The following TREML1 variants were observed in gnomAD, a reference collection of about 807,000 sequenced individuals.
TREML1 encodes trem-like transcript 1 protein.
In TREML1, 27 loss-of-function variants were observed where a neutral mutation model predicts 22.8. The ratio of observed to expected loss-of-function variants is 1.19; its 90% CI spans 0.87 to 1.64. TREML1 has a LOEUF of 1.64. TREML1 is among the 40% of genes most tolerant of loss of function. The pLI is 0.00. For synonymous variants in TREML1, 153 were observed against 161.9 expected, an observed-to-expected ratio of 0.94 and a Z score of 0.42; for missense variants, 356 against 382.0, an observed-to-expected ratio of 0.93 and a Z score of 0.57.
chr6:41,150,928 G>A (rs748563264), intron 3 of TREML1, 21 bp from the exon 4 acceptor site: 2 of 1,610,640 alleles, frequency 1.2e-6, no homozygotes, highest in Non-Finnish European at 1.7e-6. Flanking sequence ...GAAAGGGATA[G>A]GCAGGCTTAG....
At chr6:41,154,687 T>C (rs1485614415), upstream of TREML1, among the ~76,000 whole-genome samples, 1 of 152,212 alleles carries the variant, frequency 6.6e-6, no homozygotes, top group Non-Finnish European at 1.5e-5. Context: ...CCTCACTCAA[T>C]GCCATTCTTG....
At chr6:41,154,543 C>T (rs1176885021), upstream of TREML1, among the ~76,000 whole-genome samples, 2 of 152,088 alleles carry the variant, frequency 1.3e-5, no homozygotes, top group East Asian at 1.9e-4. Flanking sequence ...GGCTGGGGCC[C>T]GGCTAAGGGG....
In TREML1 at chr6:41,151,352, G is replaced by A. The variant is rs1166461542; in HGVS notation, c.409C>T (p.Leu137=). The change falls in exon 3 of 6, where the codon CTG becomes TTG. Residue 137 remains leucine, a synonymous_variant. Coordinates refer to ENST00000426005, the MANE Select transcript of TREML1 (RefSeq NM_178174.4). ...GGGTCTGAGAATGCGTTCTCAGCCAGACTGCCAATCTTATGGGTCTCTTCT... is the reference window on the plus strand; with the variant it reads ...GGGTCTGAGAATGCGTTCTCAGCCAAACTGCCAATCTTATGGGTCTCTTCT... ...EEEETHKIGS[L]AENAFSDPAG... 1 of 1,614,212 alleles carries A rather than the reference G, an allele frequency of 6.2e-7. No individual in the cohort carries two copies. The highest frequency in any genetic ancestry group is 8.5e-7 in the Non-Finnish European group (1 of 1,180,034).
At chr6:41,152,995 A>G (rs150928821) in intron 2 of TREML1, among the ~76,000 whole-genome samples, 419 of 152,164 alleles carry the variant, frequency 2.8e-3, no homozygotes, top group African/African-American at 9.0e-3. Flanking sequence ...ATAAAAGAAA[A>G]GGAGTGGCTG....
rs1489210747 is a variant in TREML1, at chr6:41,153,630, A to G, written c.376+128T>C. ...GGTTTCCGCTCCCTGCAGAGCTGTC[A>G]AGAGGATATCTCCTTGGAATGCCTC... On this transcript the variant is annotated intron_variant, in intron 2 of 5. Coordinates refer to ENST00000426005, the MANE Select transcript of TREML1 (RefSeq NM_178174.4). 6 of 916,016 alleles carry G rather than the reference A, an allele frequency of 6.6e-6. No individual in the cohort carries two copies. In the African/African-American group the frequency reaches 6.6e-5, roughly 10 times the overall value. The allele number at this position is 916,016 out of a possible 1,614,324, so 56.7% of individuals were successfully genotyped here.
intron 2 of TREML1, 49 bp downstream of exon 2, chr6:41,153,709 G>C: frequency 6.6e-7 from 1 of 1,521,144 alleles, no homozygotes; most frequent in Non-Finnish European, 8.9e-7. Flanking sequence ...AATAGGCGGG[G>C]GTGGGGAGGG....
At chr6:41,155,327 C>T (rs74554808), upstream of TREML1, among the ~76,000 whole-genome samples, 2 of 151,090 alleles carry the variant, frequency 1.3e-5, no homozygotes, top group Non-Finnish European at 2.9e-5. Context: ...GAGATTTGCT[C>T]GCATTCTTCC....
rs1447865014 is a variant in TREML1 at position 41,149,894 on chromosome 6, C to T, written c.646G>A (p.Val216Ile). The change falls in exon 6 of 6, where the codon GTC becomes ATC. Residue 216 changes from valine (V) to isoleucine (I), a missense_variant. Physicochemically the swap from Val to Ile is conservative, Grantham distance 29. Coordinates refer to ENST00000426005, the MANE Select transcript of TREML1 (RefSeq NM_178174.4). ...GMNPSSVVHH[V>I]SDSGPAAELP... The stretch of plus-strand genomic sequence containing the variant: ...TCAGCAGCCGGTCCAGAGTCACTGA[C>T]GTGGTGGACCACTGAGGAGGGATTC... 12 of 1,613,740 alleles carry T rather than the reference C, an allele frequency of 7.4e-6. No individual in the cohort carries two copies. The highest frequency in any genetic ancestry group is 4.5e-5 in the East Asian group (2 of 44,884).
intron 4 of TREML1, 37 bp from the exon 5 acceptor site, chr6:41,150,350 G>C (rs199680007): frequency 6.2e-7 from 1 of 1,608,646 alleles, no homozygotes; most frequent in Admixed American, 1.7e-5. Flanking sequence ...GTCTGCTTCC[G>C]GGGCTGGCTC....
upstream of TREML1, among the ~76,000 whole-genome samples, chr6:41,155,375 T>TTCTCTCTCTC (rs3049085): frequency 0.077 from 10,512 of 136,696 alleles, 462 homozygotes; most frequent in Admixed American, 0.1. Flanking sequence ...GAGTAAACGT[T>TTCTCTCTCTC]TCTCTCTCTC....
rs1039542805 is a variant in TREML1, at chr6:41,149,506, T to G, written c.*98A>C. 2 of 1,293,458 alleles carry G rather than the reference T, an allele frequency of 1.5e-6. No individual in the cohort carries two copies. The highest frequency in any genetic ancestry group is 2.2e-5 in the Admixed American group (1 of 44,582). The allele number at this position is 1,293,458 out of a possible 1,614,324, so 80.1% of individuals were successfully genotyped here. ...TGGATTAGATCTTAAAGTCCCTGGTTGCTCAGATATCCTAAGGATCCTAGG... is the reference window on the plus strand; with the variant it reads ...TGGATTAGATCTTAAAGTCCCTGGTGGCTCAGATATCCTAAGGATCCTAGG... On this transcript the variant is annotated 3_prime_UTR_variant, in exon 6 of 6. Transcript: ENST00000426005.
chr6:41,154,034 T>A lies in TREML1; in HGVS notation c.100A>T (p.Ile34Phe). 1 of 1,614,118 alleles carries A rather than the reference T, an allele frequency of 6.2e-7. No individual in the cohort carries two copies. Among genetic ancestry groups the A allele is most frequent in the Non-Finnish European group, 8.5e-7 (1 of 1,180,038 alleles). ...AGCCTGTAGTGGCACTGCACCAGAATGGAGCTTCCCACGGGTGCCTGCAGC... is the reference window on the plus strand; with the variant it reads ...AGCCTGTAGTGGCACTGCACCAGAAAGGAGCTTCCCACGGGTGCCTGCAGC... ...EVLQAPVGSS[I>F]LVQCHYRLQD... Residue 34 changes from isoleucine to phenylalanine, a missense_variant, in exon 2 of 6, where the codon ATT (isoleucine) becomes TTT (phenylalanine). Transcript: ENST00000426005.
intron 3 of TREML1, 52 bp downstream of exon 3, chr6:41,151,230 T>C (rs1423749856): frequency 1.1e-5 from 16 of 1,495,080 alleles, no homozygotes; most frequent in East Asian, 4.5e-5. Context: ...AACAAGTCAT[T>C]GTCTCCACCA....
chr6:41,151,232 T>G lies in TREML1; in HGVS notation c.479+50A>C, dbSNP rs901917405. 4 of 1,503,166 alleles carry G rather than the reference T, an allele frequency of 2.7e-6. 1 individual carries two copies. The highest frequency in any genetic ancestry group is 3.7e-6 in the Non-Finnish European group (4 of 1,078,930). The allele number at this position is 1,503,166 out of a possible 1,614,324, so 93.1% of individuals were successfully genotyped here. A position where few individuals can be genotyped will look rare whatever the true frequency, so the allele number is the denominator to read the frequency against. On this transcript the variant is annotated intron_variant, in intron 3 of 5. Coordinates refer to ENST00000426005, the MANE Select transcript of TREML1 (RefSeq NM_178174.4). ...GTTTGGAGCTCTAAACAAGTCATTG[T>G]CTCCACCACCACCCTTCTCCTGGCC...
Position 41,151,356 on chromosome 6 carries a change from G to T in TREML1, c.405C>A (p.Gly135=). The T allele has an allele frequency of 1.2e-6, 2 of 1,614,206 alleles. No individual in the cohort carries two copies. Among genetic ancestry groups the T allele is most frequent in the Non-Finnish European group, 1.7e-6 (2 of 1,180,038 alleles). ...PEEEEETHKI[G]SLAENAFSDP... Reference sequence around the variant, plus strand: ...CTGAGAATGCGTTCTCAGCCAGACTGCCAATCTTATGGGTCTCTTCTTCTT... The same window carrying T: ...CTGAGAATGCGTTCTCAGCCAGACTTCCAATCTTATGGGTCTCTTCTTCTT... Residue 135 remains glycine (G), a synonymous_variant, in exon 3 of 6, where the codon GGC becomes GGA. Transcript: ENST00000426005.
chr6:41,153,296 G>C (rs62396352), intron 2 of TREML1, among the ~76,000 whole-genome samples: 14,456 of 145,908 alleles, frequency 0.099, 743 homozygotes, highest in Middle Eastern at 0.15. Context: ...ATACTAGATG[G>C]CCTGTGAAGA....
intron 1 of TREML1, 26 bp from the exon 2 acceptor site, chr6:41,154,116 T>A: frequency 6.2e-7 from 1 of 1,601,812 alleles, no homozygotes; most frequent in Non-Finnish European, 8.5e-7. Flanking sequence ...AGGTGGGAAT[T>A]TTGGGCAGGA....
chr6:41,150,186 T>C, intron 5 of TREML1, 75 bp downstream of exon 5: 1 of 1,527,944 alleles, frequency 6.5e-7, no homozygotes, highest in South Asian at 1.1e-5. Context: ...CACCCCATCA[T>C]CCTAGGACCT....
upstream of TREML1, among the ~76,000 whole-genome samples, chr6:41,155,348 C>T (rs987443256): frequency 8.5e-5 from 12 of 140,396 alleles, no homozygotes; most frequent in African/African-American, 3.4e-4. Context: ...TCTTCTTCAC[C>T]GGAGATTTAC....
Sources: allele counts gnomAD v4.1 joint callset (sites outside exome capture counted in the v4.1 genomes callset), GRCh38; gene constraint gnomAD v4.1.1; transcripts MANE v1.5; gene names NCBI Gene and HGNC (gene_info 2026-07-23, HGNC 2026-07-21).